Variants in LHFPL3 observed in about 807,000 individuals in gnomAD.
LHFPL3 encodes the protein LHFPL tetraspan subfamily member 3 protein.
In LHFPL3, 5 loss-of-function variants were observed where a neutral mutation model predicts 19.3. The ratio of observed to expected loss-of-function variants is 0.26; its 90% CI spans 0.14 to 0.54. The LOEUF is 0.54. Among genes scored for constraint, LHFPL3 ranks in the 20% least tolerant of loss-of-function variants. The pLI is 0.94. For missense variants in LHFPL3, 249 were observed against 307.4 expected (o/e 0.81, Z 1.42); for synonymous variants, 133 against 126.2 (o/e 1.05, Z -0.36).
intron 1 of LHFPL3, among the ~76,000 whole-genome samples, chr7:104,672,844 C>T (rs944450726): frequency 2.6e-5 from 4 of 152,098 alleles, no homozygotes; most frequent in East Asian, 3.9e-4. Context: ...CCAGGAATGG[C>T]TTCATGTTGC....
intron 1 of LHFPL3, among the ~76,000 whole-genome samples, chr7:104,644,271 T>C (rs905032234): frequency 7.9e-5 from 12 of 152,156 alleles, no homozygotes; most frequent in African/African-American, 2.9e-4. Context: ...GTGCAAAACC[T>C]CATGCCCCCC....
intron 1 of LHFPL3, among the ~76,000 whole-genome samples, chr7:104,576,895 T>G (rs2116007441): frequency 6.6e-6 from 1 of 152,320 alleles, no homozygotes; most frequent in Non-Finnish European, 1.5e-5. Context: ...TGTGGTTATC[T>G]CCCTTACAGT....
intron 1 of LHFPL3, among the ~76,000 whole-genome samples, chr7:104,577,648 T>A (rs542230530): frequency 6.6e-6 from 1 of 152,212 alleles, no homozygotes; most frequent in Non-Finnish European, 1.5e-5. Flanking sequence ...GTCACTCTGA[T>A]ATTGACTGTT....
intron 2 of LHFPL3, among the ~76,000 whole-genome samples, chr7:104,880,146 C>A (rs1403840083): frequency 6.6e-6 from 1 of 151,930 alleles, no homozygotes; most frequent in Non-Finnish European, 1.5e-5. Flanking sequence ...GGAGGTGGGG[C>A]CTTAGTGGGA....
chr7:104,829,504 C>A (rs998062620), intron 2 of LHFPL3, among the ~76,000 whole-genome samples: 1 of 151,686 alleles, frequency 6.6e-6, no homozygotes, highest in Non-Finnish European at 1.5e-5. Flanking sequence ...CAACAGTCCC[C>A]GGAGTGTGAT....
At chr7:104,560,102 T>TC (rs1789957190) in intron 1 of LHFPL3, among the ~76,000 whole-genome samples, 1 of 145,632 alleles carries the variant, frequency 6.9e-6, no homozygotes, top group South Asian at 2.1e-4. Flanking sequence ...TTGAGGATTT[T>TC]TGCATCAATG....
chr7:104,397,352 T>G (rs1791211449), intron 1 of LHFPL3, among the ~76,000 whole-genome samples: 1 of 152,222 alleles, frequency 6.6e-6, no homozygotes, highest in African/African-American at 2.4e-5. Context: ...TCTTCCTAAC[T>G]TCCCCATTTA....
At chr7:104,899,565 G>C (rs185398958) in intron 2 of LHFPL3, among the ~76,000 whole-genome samples, 1 of 152,146 alleles carries the variant, frequency 6.6e-6, no homozygotes, top group Non-Finnish European at 1.5e-5. Flanking sequence ...GGAAGGAGAG[G>C]AAGCTTAAAG....
chr7:104,434,476 A>C (rs1395421647), intron 1 of LHFPL3, among the ~76,000 whole-genome samples: 1 of 152,198 alleles, frequency 6.6e-6, no homozygotes, highest in Admixed American at 6.5e-5. Context: ...AAACTATAAG[A>C]ATCACTTCAT....
intron 1 of LHFPL3, among the ~76,000 whole-genome samples, chr7:104,663,101 A>G (rs1003405689): frequency 1.3e-5 from 2 of 152,234 alleles, no homozygotes; most frequent in African/African-American, 2.4e-5. Context: ...AAAATAAAAC[A>G]TTATAACCTT....
intron 2 of LHFPL3, among the ~76,000 whole-genome samples, chr7:104,749,729 T>C (rs1453748974): frequency 6.6e-6 from 1 of 152,274 alleles, no homozygotes; most frequent in Non-Finnish European, 1.5e-5. Flanking sequence ...AGGCTCAATA[T>C]GACCCTTTTC....
chr7:104,434,395 T>G (rs1298737096), intron 1 of LHFPL3, among the ~76,000 whole-genome samples: 1 of 152,214 alleles, frequency 6.6e-6, no homozygotes, highest in Non-Finnish European at 1.5e-5. Context: ...ATGCAAAAGT[T>G]TTTGCATATG....
chr7:104,665,000 A>G (rs1792304530), intron 1 of LHFPL3, among the ~76,000 whole-genome samples: 1 of 152,228 alleles, frequency 6.6e-6, no homozygotes, highest in Non-Finnish European at 1.5e-5. Flanking sequence ...CTTGCTGGCC[A>G]TATAAAATGA....
At chr7:104,885,680 TCTAA>T (rs1191436321) in intron 2 of LHFPL3, among the ~76,000 whole-genome samples, 1 of 152,154 alleles carries the variant, frequency 6.6e-6, no homozygotes, top group Non-Finnish European at 1.5e-5. Context: ...GTCATCACCT[TCTAA>T]CTGTCCTCTC....
At chr7:104,675,692 ATTGCTG>A (rs1217818528) in intron 1 of LHFPL3, among the ~76,000 whole-genome samples, 1 of 152,162 alleles carries the variant, frequency 6.6e-6, no homozygotes, top group African/African-American at 2.4e-5. Flanking sequence ...GTAAACAGGT[ATTGCTG>A]AAGAATCAAA....
intron 2 of LHFPL3, among the ~76,000 whole-genome samples, chr7:104,753,085 A>G (rs890654195): frequency 6.6e-6 from 1 of 152,230 alleles, no homozygotes; most frequent in Non-Finnish European, 1.5e-5. Context: ...TAATTTGAGG[A>G]CCACACTTTA....
chr7:104,339,471 C>T (rs1789904576), intron 1 of LHFPL3, among the ~76,000 whole-genome samples: 1 of 152,164 alleles, frequency 6.6e-6, no homozygotes, highest in Non-Finnish European at 1.5e-5. Context: ...CCCTGGCCTA[C>T]GGCATGTTTC....
At position 104,623,909 on chromosome 7, in the gene LHFPL3, G is replaced by C. The variant is rs144970365; in HGVS notation, c.446-112766G>C. Among the ~76,000 whole-genome samples the C allele has an allele frequency of 4.4e-4, 67 of 152,246 alleles. No individual in the cohort carries two copies. In the East Asian group the frequency reaches 0.012, roughly 27 times the overall value. On this transcript the variant is annotated intron_variant, in intron 1 of 2. Coordinates refer to ENST00000424859, the MANE Select transcript of LHFPL3 (RefSeq NM_199000.3). ...ACAGATGAGTCCTGCCCAAATTTCT[G>C]ACTTGGAATCCTGAGAAAATAAAGT...
intron 1 of LHFPL3, among the ~76,000 whole-genome samples, chr7:104,418,523 C>A (rs1041332356): frequency 6.6e-6 from 1 of 152,106 alleles, no homozygotes; most frequent in Non-Finnish European, 1.5e-5. Flanking sequence ...CAGAGTGAGA[C>A]CCTGTCTCCA....
Sources: allele counts gnomAD v4.1 joint callset (sites outside exome capture counted in the v4.1 genomes callset), GRCh38; gene constraint gnomAD v4.1.1; transcripts MANE v1.5; gene names NCBI Gene and HGNC (gene_info 2026-07-23, HGNC 2026-07-21).